The following MAP1A variants were observed in gnomAD, a reference collection of about 807,000 sequenced individuals.
The protein encoded by MAP1A is microtubule-associated protein 1A.
In MAP1A, 42 loss-of-function variants were observed where a neutral mutation model predicts 185.9. That is an observed-to-expected ratio of 0.23 (90% CI 0.18 to 0.29). The LOEUF is 0.29. MAP1A is among the 10% of genes least tolerant of loss of function. The probability of loss-of-function intolerance (pLI) is 1.00; values close to 1 mark genes in which losing one functional copy is unlikely to be tolerated. For missense variants in MAP1A, 2,995 were observed against 3,450.4 expected (o/e 0.87, Z 3.31); for synonymous variants, 1,229 against 1,335.9 (o/e 0.92, Z 1.74).
At chr15:43,511,243 G>T in intron 1 of MAP1A, 1 of 1,543,384 alleles carries the variant, frequency 6.5e-7, no homozygotes, top group Non-Finnish European at 8.8e-7. Context: ...CACTGTTCTG[G>T]CTGTGCTTCA....
rs894649809 is a variant in MAP1A at position 43,512,191 on chromosome 15, G to T, written c.240G>T (p.Gly80=). The change falls in exon 2 of 7, where the codon GGG becomes GGT. Residue 80 remains glycine (G), a splice_region_variant and synonymous_variant. Coordinates refer to the MAP1A transcript ENST00000382031. Reference sequence around the variant, plus strand: ...ACCTTCTTTGTTTTTCTCCCACAGGGATTCTCTCCTGGAACATTGACCTGT... The same window carrying T: ...ACCTTCTTTGTTTTTCTCCCACAGGTATTCTCTCCTGGAACATTGACCTGT... The T allele has an allele frequency of 2.6e-6, 4 of 1,534,326 alleles. No homozygotes were observed. The African/African-American group carries it at 5.5e-5, about 21-fold the overall frequency.
rs2079366978 is a variant in MAP1A, at chr15:43,530,352, A to C, written c.*128A>C. 1 of 1,248,612 alleles carries C rather than the reference A, an allele frequency of 8.0e-7. No homozygotes were observed. The highest frequency in any genetic ancestry group is 1.1e-6 in the Non-Finnish European group (1 of 906,098). 77.3% of individuals were successfully genotyped at this position (1,248,612 alleles called of 1,614,324 possible). A position where few individuals can be genotyped will look rare whatever the true frequency, so the allele number is the denominator to read the frequency against. ...GGGAGGGAGATGTCTTGTTGTGGGG[A>C]CTTGGGCTGGGCTAAATGGGAGGGG... On this transcript the variant is annotated 3_prime_UTR_variant, in exon 6 of 6. Transcript: ENST00000300231.
At position 43,523,078 on chromosome 15, in the gene MAP1A, T is replaced by C; in HGVS notation, c.1605T>C (p.Phe535=). The change falls in exon 4 of 6, where the codon TTT becomes TTC. Residue 535 remains phenylalanine, a synonymous_variant. Coordinates refer to ENST00000300231, the MANE Select transcript of MAP1A (RefSeq NM_002373.6). ...CACCAGAGGACCTCACACAGGACTTTGAGGAGATGAAGCGTGAGGAGAGGG... is the reference window on the plus strand; with the variant it reads ...CACCAGAGGACCTCACACAGGACTTCGAGGAGATGAAGCGTGAGGAGAGGG... ...LSSPEDLTQD[F]EEMKREERAL... 1.9e-6 allele frequency: 3 copies of C among 1,614,036 alleles called. No homozygotes were observed. The highest frequency in any genetic ancestry group is 2.2e-5 in the East Asian group (1 of 44,868).
At position 43,529,021 on chromosome 15, in the gene MAP1A, G is replaced by T; in HGVS notation, c.7548G>T (p.Pro2516=). 6.2e-7 allele frequency: 1 copy of T among 1,613,796 alleles called. No individual in the cohort carries two copies. Among genetic ancestry groups the T allele is most frequent in the South Asian group, 1.1e-5 (1 of 91,084 alleles). Residue 2516 remains proline (P), a synonymous_variant, in exon 4 of 6, where the codon CCG becomes CCT. Transcript: ENST00000300231. This position sits in a 1 kb window ranked among gnomAD's most constrained non-coding sequence, Gnocchi z 4.3. ...CCTCACAGTCAGATTCTGATGTCCC[G>T]CCAGAAACTGAGGAGTGTCCGTCCA... ...SGSSQSDSDV[P]PETEECPSIT...
intron 1 of MAP1A, among the ~76,000 whole-genome samples, chr15:43,518,701 G>C (rs1187294577): frequency 4.4e-5 from 5 of 114,490 alleles, no homozygotes; most frequent in South Asian, 2.7e-4. Flanking sequence ...CCTCTGCACC[G>C]CAGCCCACCC....
intron 1 of MAP1A, among the ~76,000 whole-genome samples, chr15:43,519,995 G>A (rs1017060302): frequency 1.3e-4 from 20 of 152,142 alleles, no homozygotes; most frequent in African/African-American, 3.9e-4. Context: ...GTATTAGTGC[G>A]GGCTTGGCCT....
At position 43,527,666 on chromosome 15, in the gene MAP1A, C is replaced by G. The variant is rs544169355; in HGVS notation, c.6193C>G (p.Arg2065Gly). ...PSLTPPAVPPRAPILSKGPSP... is the reference protein window; with the variant it reads ...PSLTPPAVPPGAPILSKGPSP... ...CCTCACCCCACCTGCAGTTCCCCCC[C>G]GTGCTCCTATCCTGAGCAAAGGCCC... The change falls in exon 4 of 6, where the codon CGT (arginine) becomes GGT (glycine). Residue 2065 changes from arginine (R) to glycine (G), a missense_variant. Arg to Gly is a moderately radical substitution (Grantham distance 125, BLOSUM62 -2). Coordinates refer to ENST00000300231, the MANE Select transcript of MAP1A (RefSeq NM_002373.6). 3.7e-6 allele frequency: 6 copies of G among 1,613,388 alleles called. No homozygotes were observed. Among genetic ancestry groups the G allele is most frequent in the African/African-American group, 2.7e-5 (2 of 74,760 alleles).
Position 43,527,268 on chromosome 15 carries a change from C to T in MAP1A, c.5795C>T (p.Ser1932Leu). The T allele has an allele frequency of 6.2e-7, 1 of 1,614,158 alleles. No homozygotes were observed. The highest frequency in any genetic ancestry group is 8.5e-7 in the Non-Finnish European group (1 of 1,179,990). Residue 1932 changes from serine to leucine, a missense_variant, in exon 4 of 6, where the codon TCA becomes TTA. Coordinates refer to ENST00000300231, the MANE Select transcript of MAP1A (RefSeq NM_002373.6). The stretch of plus-strand genomic sequence containing the variant: ...GCTCCTGACAAAAGCTCACACAGCT[C>T]AAAGGTACCAGAGGCCAGCAAAAGC... Reference protein sequence around the residue: ...AEAPDKSSHSSKVPEASKSHA... With the variant: ...AEAPDKSSHSLKVPEASKSHA...
Position 43,529,054 on chromosome 15 carries a change from T to C in MAP1A, c.7581T>C (p.Ala2527=). The change falls in exon 4 of 6, where the codon GCT becomes GCC. Residue 2527 remains alanine (A), a synonymous_variant. Transcript: ENST00000300231. This position sits in a 1 kb window ranked among gnomAD's most constrained non-coding sequence, Gnocchi z 4.3. ...PETEECPSIT[A]EAALDSDEDG... ...CTGAGGAGTGTCCGTCCATCACAGC[T>C]GAGGCAGCCCTCGACTCAGATGAAG... 1 of 1,613,900 alleles carries C rather than the reference T, an allele frequency of 6.2e-7. No homozygotes were observed. Among genetic ancestry groups the C allele is most frequent in the Admixed American group, 1.7e-5 (1 of 60,026 alleles).
Position 43,529,775 on chromosome 15 carries a change from G to C in MAP1A, c.8161G>C (p.Val2721Leu). 6.2e-7 allele frequency: 1 copy of C among 1,614,130 alleles called. No homozygotes were observed. The highest frequency in any genetic ancestry group is 8.5e-7 in the Non-Finnish European group (1 of 1,180,032). The change falls in exon 5 of 6, where the codon GTG (valine) becomes CTG (leucine). Residue 2721 changes from valine to leucine, a missense_variant. Val to Leu is a conservative substitution (Grantham distance 32). Transcript: ENST00000300231. This position sits in a 1 kb window ranked among gnomAD's most constrained non-coding sequence, Gnocchi z 4.3. ...FFRRVRASYY[V>L]VSGNDPANGE... ...CCGTCGAGTGCGTGCATCCTACTATGTGGTCAGTGGGAATGACCCTGCCAA... is the reference window on the plus strand; with the variant it reads ...CCGTCGAGTGCGTGCATCCTACTATCTGGTCAGTGGGAATGACCCTGCCAA...
chr15:43,510,979 G>C (rs1457968481), exon 1 of MAP1A: 8 of 1,529,230 alleles, frequency 5.2e-6, no homozygotes, highest in East Asian at 2.5e-5. Context: ...AACACTCCGC[G>C]GGTGTTTCCA....
chr15:43,517,276 G>C (rs2079301057), upstream of MAP1A, among the ~76,000 whole-genome samples: 1 of 152,126 alleles, frequency 6.6e-6, no homozygotes, highest in African/African-American at 2.4e-5. Flanking sequence ...CTAAGAGAAG[G>C]GGGAGAGCCC....
rs114331505 is a variant in MAP1A, at chr15:43,525,394, G to A, written c.3921G>A (p.Gly1307=). The stretch of plus-strand genomic sequence containing the variant: ...CAGGAAATGGGAAGTACTTACCTGG[G>A]GCGATCACAAGCCCTGATGAACACA... The part of the protein sequence containing the change: ...TPSGNGKYLP[G]AITSPDEHIL... The change falls in exon 4 of 6, where the codon GGG becomes GGA. Residue 1307 remains glycine (G), a synonymous_variant. Transcript: ENST00000300231. The A allele has an allele frequency of 2.0e-4, 328 of 1,614,080 alleles. No individual in the cohort carries two copies. In the African/African-American group the frequency reaches 3.9e-3, roughly 19 times the overall value.
In MAP1A at chr15:43,525,817, G is replaced by A; in HGVS notation, c.4344G>A (p.Lys1448=). The A allele has an allele frequency of 4.4e-6, 7 of 1,582,060 alleles. No homozygotes were observed. The highest frequency in any genetic ancestry group is 6.0e-6 in the Non-Finnish European group (7 of 1,166,472). The stretch of plus-strand genomic sequence containing the variant: ...ACAAGGCCCTGGAACAGAAGGATAA[G>A]ATTCCAGAAGAGAAAGACAAAGCCT... ...EKDKALEQKD[K]IPEEKDKALE... is the part of the protein sequence containing the mutation. The change falls in exon 4 of 6, where the codon AAG becomes AAA. Residue 1448 remains lysine (K), a synonymous_variant. Transcript: ENST00000300231.
In MAP1A at chr15:43,526,632, A is replaced by T. The variant is rs1015061069; in HGVS notation, c.5159A>T (p.His1720Leu). 5 of 1,614,124 alleles carry T rather than the reference A, an allele frequency of 3.1e-6. No homozygotes were observed. Among genetic ancestry groups the T allele is most frequent in the Non-Finnish European group, 4.2e-6 (5 of 1,180,010 alleles). Residue 1720 changes from histidine to leucine, a missense_variant, in exon 4 of 6, where the codon CAC (histidine) becomes CTC (leucine). Coordinates refer to ENST00000300231, the MANE Select transcript of MAP1A (RefSeq NM_002373.6). This position sits in a 1 kb window ranked among gnomAD's most constrained non-coding sequence, Gnocchi z 4.7. Reference sequence around the variant, plus strand: ...CTGGATGGCCAGGGGGCCCGCCCACACTACACTGAGGAACGGGAAAGCACT... The same window carrying T: ...CTGGATGGCCAGGGGGCCCGCCCACTCTACACTGAGGAACGGGAAAGCACT... The part of the protein sequence containing the change: ...HELDGQGARP[H>L]YTEERESTFL...
At chr15:43,516,556 G>A (rs1054203221), upstream of MAP1A, among the ~76,000 whole-genome samples, 1 of 152,124 alleles carries the variant, frequency 6.6e-6, no homozygotes, top group African/African-American at 2.4e-5. Flanking sequence ...GAGCATCCTC[G>A]GGTTGGAAGG....
chr15:43,521,976 G>T lies in MAP1A; in HGVS notation c.503G>T (p.Arg168Leu). 1 of 1,614,146 alleles carries T rather than the reference G, an allele frequency of 6.2e-7. No homozygotes were observed. Among genetic ancestry groups the T allele is most frequent in the Non-Finnish European group, 8.5e-7 (1 of 1,180,024 alleles). ...EACLTLQHLN[R>L]LGIQAEPLYR... ...TGCCTCACTCTGCAGCACTTAAACC[G>T]CCTGGGCATCCAGGCTGAGCCTCTA... Residue 168 changes from arginine to leucine, a missense_variant, in exon 4 of 6, where the codon CGC becomes CTC. Physicochemically the swap from Arg to Leu is moderately radical, Grantham distance 102. Transcript: ENST00000300231. This position sits in a 1 kb window ranked among gnomAD's most constrained non-coding sequence, Gnocchi z 4.6.
intron 1 of MAP1A, among the ~76,000 whole-genome samples, chr15:43,520,283 C>G (rs1490258248): frequency 1.3e-5 from 2 of 152,252 alleles, no homozygotes; most frequent in Admixed American, 1.3e-4. Flanking sequence ...TCCAGCTGAG[C>G]CCCCCATCCC....
chr15:43,529,708 C>T lies in MAP1A; in HGVS notation c.8094C>T (p.Ile2698=). ...CTGTATATGTGGATCTCGCCTACAT[C>T]CCGAATCATTGCAGTGGCAAGACTG... is the stretch of plus-strand genomic sequence containing the variant. The part of the protein sequence containing the change: ...GAPVYVDLAY[I]PNHCSGKTAD... Residue 2698 remains isoleucine (I), a synonymous_variant, in exon 5 of 6, where the codon ATC becomes ATT. Transcript: ENST00000300231. The surrounding 1 kb of genome is among the most constrained non-coding windows in gnomAD (Gnocchi z 4.3). 6.2e-7 allele frequency: 1 copy of T among 1,614,158 alleles called. No homozygotes were observed. The highest frequency in any genetic ancestry group is 1.3e-5 in the African/African-American group (1 of 75,040).
Sources: gnomAD v4.1 joint callset for allele counts (sites outside exome capture counted in the v4.1 genomes callset) on GRCh38, gnomAD v4.1.1 for gene constraint, Gnocchi (gnomAD v3.1) non-coding constraint, MANE v1.5 for transcripts, NCBI Gene and HGNC (gene_info 2026-07-23, HGNC 2026-07-21) for gene names.